Variants in REPS2 observed in about 807,000 individuals in gnomAD.
REPS2 encodes ralBP1-associated Eps domain-containing protein 2.
In REPS2, 23 loss-of-function variants were observed where a neutral mutation model predicts 53.6. The observed-to-expected ratio is 0.43, with a 90% CI of 0.31 to 0.61. REPS2 has a LOEUF of 0.61. Ranked by LOEUF, REPS2 falls within the 20% of genes least tolerant of loss-of-function variation. The pLI, the probability that REPS2 is intolerant of heterozygous loss-of-function variation, is 0.11. For missense variants in REPS2, 446 were observed against 534.9 expected (o/e 0.83, Z 1.64); for synonymous variants, 238 against 218.6 (o/e 1.09, Z -0.78).
intron 1 of REPS2, among the ~76,000 whole-genome samples, chrX:17,004,222 T>C (rs1272934829): frequency 9.0e-6 from 1 of 111,061 alleles, no homozygotes; most frequent in Admixed American, 9.6e-5. Flanking sequence ...CCCAGTGATT[T>C]GGATTGTTTG....
At chrX:17,033,610 C>T (rs761739192) in intron 5 of REPS2, among the ~76,000 whole-genome samples, 42 of 112,233 alleles carry the variant, frequency 3.7e-4, no homozygotes, top group Admixed American at 6.6e-4. Context: ...TTTCAAATAG[C>T]TTGTGTCTGT....
chrX:16,991,427 G>A (rs975449711), intron 1 of REPS2, among the ~76,000 whole-genome samples: 1 of 111,746 alleles, frequency 8.9e-6, no homozygotes, highest in Non-Finnish European at 1.9e-5. Flanking sequence ...TTTAGATTAA[G>A]CCACAAGATA....
chrX:17,120,996 C>T (rs1391056883), intron 14 of REPS2, among the ~76,000 whole-genome samples: 3 of 111,562 alleles, frequency 2.7e-5, no homozygotes, highest in Non-Finnish European at 5.6e-5. Flanking sequence ...ATCATATGCC[C>T]GTGTCTGTGG....
chrX:16,999,767 C>G (rs950299721), intron 1 of REPS2, among the ~76,000 whole-genome samples: 1 of 110,842 alleles, frequency 9.0e-6, no homozygotes, highest in African/African-American at 3.3e-5. Flanking sequence ...AAAATCTTGG[C>G]CGGGCACGGT....
chrX:16,985,665 G>A (rs1240549539), intron 1 of REPS2, among the ~76,000 whole-genome samples: 3 of 112,342 alleles, frequency 2.7e-5, no homozygotes, highest in African/African-American at 6.5e-5. Context: ...AATTTTCACT[G>A]TAGTCAGAAT....
chrX:17,094,852 C>CTT (rs60148734), intron 13 of REPS2, among the ~76,000 whole-genome samples: 2 of 109,690 alleles, frequency 1.8e-5, no homozygotes, highest in African/African-American at 6.6e-5. Flanking sequence ...AAGGGTATAG[C>CTT]TTTTTTTTTC....
chrX:17,121,137 C>G (rs1169744862), intron 14 of REPS2, among the ~76,000 whole-genome samples: 1 of 111,987 alleles, frequency 8.9e-6, no homozygotes, highest in African/African-American at 3.2e-5. Context: ...CTCCCCAACT[C>G]TGTTTCGCAA....
chrX:17,144,946 C>T (rs1302684265), intron 17 of REPS2, among the ~76,000 whole-genome samples: 1 of 111,350 alleles, frequency 9.0e-6, no homozygotes, highest in Non-Finnish European at 1.9e-5. Context: ...ATGTTCGTCT[C>T]ACAGTGGACC....
chrX:17,052,597 A>G (rs778006928), intron 7 of REPS2, 152 bp downstream of exon 7: 10 of 391,328 alleles, frequency 2.6e-5, no homozygotes, highest in Non-Finnish European at 3.5e-5. Context: ...TTGCTGTGAA[A>G]ATTAAATGTT....
At chrX:17,143,455 T>TTTTTA (rs58712638) in intron 17 of REPS2, among the ~76,000 whole-genome samples, 2 of 108,378 alleles carry the variant, frequency 1.8e-5, no homozygotes, top group Non-Finnish European at 3.8e-5. Context: ...TGGTGGGCCC[T>TTTTTA]TTTGGAAACT....
At chrX:17,029,228 A>G (rs1873923169) in intron 4 of REPS2, among the ~76,000 whole-genome samples, 1 of 111,888 alleles carries the variant, frequency 8.9e-6, no homozygotes. Flanking sequence ...ACACTTTTCT[A>G]GCTATTGTTG....
intron 14 of REPS2, among the ~76,000 whole-genome samples, chrX:17,106,714 G>A (rs747601721): frequency 2.3e-4 from 26 of 111,466 alleles, no homozygotes; most frequent in Admixed American, 2.0e-3. Flanking sequence ...ATGCCCGGCT[G>A]CCCAAAGTAA....
chrX:16,988,895 TAC>T (rs776156810), intron 1 of REPS2, among the ~76,000 whole-genome samples: 9 of 112,117 alleles, frequency 8.0e-5, no homozygotes, highest in Non-Finnish European at 1.5e-4. Flanking sequence ...CAAATTGATA[TAC>T]AGGTTTAATG....
In REPS2 at chrX:17,149,600, C is replaced by T. The variant is rs763457602; in HGVS notation, c.*2119C>T. 2 of 112,989 alleles carry T rather than the reference C, an allele frequency of 1.8e-5. No individual in the cohort carries two copies. The highest frequency in any genetic ancestry group is 5.5e-4 in the East Asian group (2 of 3,605). The allele number at this position is 112,989 out of a possible 1,213,427, so 9.3% of individuals were successfully genotyped here. A position where few individuals can be genotyped will look rare whatever the true frequency, so the allele number is the denominator to read the frequency against. ...GGATTACAGGCGTGAGCCACCCGCC[C>T]GGCTATCAGCACTGTTCTGATTGCA... On this transcript the variant is annotated 3_prime_UTR_variant, in exon 18 of 18. Coordinates refer to ENST00000357277, the MANE Select transcript of REPS2 (RefSeq NM_004726.3).
chrX:17,139,350 G>A (rs185295402), intron 17 of REPS2, among the ~76,000 whole-genome samples: 2 of 111,558 alleles, frequency 1.8e-5, no homozygotes, highest in East Asian at 2.8e-4. Flanking sequence ...AAGCTTCTGG[G>A]TAAGCCCTTA....
At chrX:17,066,612 T>C (rs757780491) in intron 9 of REPS2, among the ~76,000 whole-genome samples, 5 of 112,276 alleles carry the variant, frequency 4.5e-5, no homozygotes, top group Non-Finnish European at 7.5e-5. Flanking sequence ...TTCGTTTTAA[T>C]GAGTAAATCC....
intron 2 of REPS2, among the ~76,000 whole-genome samples, chrX:17,019,563 C>A (rs1182947137): frequency 8.9e-6 from 1 of 111,885 alleles, no homozygotes; most frequent in Non-Finnish European, 1.9e-5. Flanking sequence ...GTGACTCATG[C>A]CTGTAATCCC....
At chrX:17,017,838 A>G (rs2061518399) in intron 2 of REPS2, among the ~76,000 whole-genome samples, 4 of 111,920 alleles carry the variant, frequency 3.6e-5, no homozygotes. Flanking sequence ...TGTGACAAGC[A>G]CAAATTGAGG....
the REPS2 span, among the ~76,000 whole-genome samples, chrX:17,173,002 T>TGC: frequency 2.7e-5 from 3 of 110,884 alleles, no homozygotes; most frequent in Non-Finnish European, 5.7e-5. Context: ...TGTGTGTGTG[T>TGC]GTGCATCATA....
Sources: allele counts gnomAD v4.1 joint callset (sites outside exome capture counted in the v4.1 genomes callset), GRCh38; gene constraint gnomAD v4.1.1; transcripts MANE v1.5; gene names NCBI Gene and HGNC (gene_info 2026-07-23, HGNC 2026-07-21).